The following B3GLCT variants were observed in gnomAD, a reference collection of about 807,000 sequenced individuals.
B3GLCT encodes beta-1,3-glucosyltransferase.
Under a neutral mutation model 63.4 loss-of-function variants are expected in B3GLCT, and 65 were observed. The observed-to-expected ratio is 1.03, with a 90% CI of 0.84 to 1.26. The LOEUF (loss-of-function observed/expected upper bound fraction) is 1.26. B3GLCT is among the 50% of genes most tolerant of loss of function. The pLI is 0.00. For missense variants in B3GLCT, 577 were observed against 604.8 expected (o/e 0.95, Z 0.48); for synonymous variants, 233 against 219.2 (o/e 1.06, Z -0.55).
chr13:31,325,561 T>A (rs547111227), intron 14 of B3GLCT, among the ~76,000 whole-genome samples: 5 of 152,284 alleles, frequency 3.3e-5, no homozygotes, highest in East Asian at 1.9e-4. Context: ...ATAATTTTTT[T>A]AAAAATAAGG....
chr13:31,280,272 TA>T (rs1179905620), intron 10 of B3GLCT, among the ~76,000 whole-genome samples: 1 of 152,206 alleles, frequency 6.6e-6, no homozygotes, highest in Non-Finnish European at 1.5e-5. Context: ...CATAAGAAAT[TA>T]TAAAAGTTTT....
chr13:31,284,283 T>A (rs1873208883), intron 10 of B3GLCT, among the ~76,000 whole-genome samples: 1 of 152,200 alleles, frequency 6.6e-6, no homozygotes, highest in South Asian at 2.1e-4. Flanking sequence ...GGTCTTCTCA[T>A]GCTCCACGGT....
chr13:31,262,362 C>T (rs1244625587), intron 7 of B3GLCT, among the ~76,000 whole-genome samples: 3 of 152,222 alleles, frequency 2.0e-5, no homozygotes, highest in Admixed American at 1.3e-4. Flanking sequence ...CTGGGCCTGC[C>T]GGGCAAGAAT....
rs970974260 is a variant in B3GLCT at position 31,208,628 on chromosome 13, C to CT, written c.71-6423_71-6422insT. ...TTCTGCTTCTTTAGTGGCCCCCCCC[C>CT]CCCGCTCACTGCCACCTTCATTGAG... is the stretch of plus-strand genomic sequence containing the variant. On this transcript the variant is annotated intron_variant, in intron 1 of 14. Coordinates refer to ENST00000343307, the MANE Select transcript of B3GLCT (RefSeq NM_194318.4). Among the ~76,000 whole-genome samples, 343 of 123,528 alleles carry CT rather than the reference C, an allele frequency of 2.8e-3. 2 individuals carry two copies. The highest frequency in any genetic ancestry group is 0.011 in the African/African-American group (324 of 28,960). 81.0% of individuals were successfully genotyped at this position (123,528 alleles called of 152,430 possible). A position where few individuals can be genotyped will look rare whatever the true frequency, so the allele number is the denominator to read the frequency against.
At chr13:31,250,856 G>A (rs772327061) in intron 6 of B3GLCT, among the ~76,000 whole-genome samples, 2 of 152,220 alleles carry the variant, frequency 1.3e-5, no homozygotes, top group Non-Finnish European at 2.9e-5. Flanking sequence ...CAGTGTTTGA[G>A]CTCTGATAAG....
chr13:31,308,956 G>A lies in B3GLCT; in HGVS notation c.1065-8610G>A, dbSNP rs79844545. On this transcript the variant is annotated intron_variant, in intron 12 of 14. Coordinates refer to ENST00000343307, the MANE Select transcript of B3GLCT (RefSeq NM_194318.4). ...CTTTCTTTTAATTTTATTTTAGCTA[G>A]TATAGATAACAATAATCAAGGGATT... is the stretch of plus-strand genomic sequence containing the variant. Among the ~76,000 whole-genome samples the A allele has an allele frequency of 5.5e-3, 837 of 152,258 alleles. 12 individuals are homozygous for A. The highest frequency in any genetic ancestry group is 0.019 in the African/African-American group (804 of 41,544).
intron 12 of B3GLCT, among the ~76,000 whole-genome samples, chr13:31,302,353 T>A (rs1044850878): frequency 6.6e-6 from 1 of 151,818 alleles, no homozygotes; most frequent in Non-Finnish European, 1.5e-5. Flanking sequence ...ACAGCTCCGG[T>A]CTACAGCTCC....
intron 6 of B3GLCT, among the ~76,000 whole-genome samples, chr13:31,252,433 A>C (rs1871475460): frequency 6.6e-6 from 1 of 152,220 alleles, no homozygotes; most frequent in East Asian, 1.9e-4. Context: ...CAAATTGGAT[A>C]AAGAGTTAAG....
intron 1 of B3GLCT, among the ~76,000 whole-genome samples, chr13:31,210,600 C>T (rs1426371755): frequency 1.3e-5 from 2 of 152,138 alleles, no homozygotes; most frequent in Non-Finnish European, 2.9e-5. Context: ...TCACTTTGCT[C>T]ATCTCTTTGC....
chr13:31,309,073 T>G (rs1367754640), intron 12 of B3GLCT, among the ~76,000 whole-genome samples: 2 of 152,234 alleles, frequency 1.3e-5, no homozygotes, highest in East Asian at 3.8e-4. Context: ...AACTTTTACC[T>G]TTAGTAACTC....
At chr13:31,266,171 T>C (rs1444219214) in intron 7 of B3GLCT, among the ~76,000 whole-genome samples, 2 of 151,912 alleles carry the variant, frequency 1.3e-5, no homozygotes, top group Non-Finnish European at 2.9e-5. Context: ...CTAATATTTT[T>C]GTGTTTTTAG....
chr13:31,273,373 C>T (rs568003433), intron 8 of B3GLCT, among the ~76,000 whole-genome samples: 2 of 152,216 alleles, frequency 1.3e-5, no homozygotes, highest in African/African-American at 4.8e-5. Flanking sequence ...GGATTATAGG[C>T]GTGAGCCACC....
intron 12 of B3GLCT, among the ~76,000 whole-genome samples, chr13:31,315,301 GT>G (rs1205395074): frequency 6.6e-6 from 1 of 152,182 alleles, no homozygotes; most frequent in Non-Finnish European, 1.5e-5. Flanking sequence ...TTGTAGAATA[GT>G]TTTGACCAAT....
Position 31,202,046 on chromosome 13 carries a change from C to T in B3GLCT, c.70+1892C>T, listed in dbSNP as rs147703541. Among the ~76,000 whole-genome samples the T allele has an allele frequency of 5.9e-4, 90 of 152,240 alleles. 1 individual carries two copies. In the East Asian group the frequency reaches 0.012, roughly 20 times the overall value. ...TCGATTTAGGGGAAGGGCACCGACACGTATAAAGATGTCCCCACTTACGAT... is the reference window on the plus strand; with the variant it reads ...TCGATTTAGGGGAAGGGCACCGACATGTATAAAGATGTCCCCACTTACGAT... On this transcript the variant is annotated intron_variant, in intron 1 of 14. Transcript: ENST00000343307.
At chr13:31,230,408 A>G (rs925486191) in intron 4 of B3GLCT, among the ~76,000 whole-genome samples, 3 of 152,236 alleles carry the variant, frequency 2.0e-5, no homozygotes, top group Non-Finnish European at 2.9e-5. Flanking sequence ...CAAGAGACAT[A>G]TGTGCGTGAC....
intron 12 of B3GLCT, among the ~76,000 whole-genome samples, chr13:31,299,786 T>C (rs1177988125): frequency 2.6e-5 from 4 of 152,144 alleles, no homozygotes; most frequent in African/African-American, 9.7e-5. Context: ...GGAAAGGGGC[T>C]CTTCTGATTG....
At chr13:31,238,748 C>T (rs1870782179) in intron 4 of B3GLCT, among the ~76,000 whole-genome samples, 1 of 152,124 alleles carries the variant, frequency 6.6e-6, no homozygotes, top group Non-Finnish European at 1.5e-5. Flanking sequence ...TTGAGACCAC[C>T]TTGGGCAACA....
chr13:31,210,072 C>G (rs1312735677), intron 1 of B3GLCT, among the ~76,000 whole-genome samples: 2 of 152,146 alleles, frequency 1.3e-5, no homozygotes, highest in African/African-American at 2.4e-5. Context: ...TTAGGCTGGC[C>G]TATAAATCTT....
intron 2 of B3GLCT, among the ~76,000 whole-genome samples, chr13:31,221,921 T>C (rs528237280): frequency 1.2e-4 from 18 of 152,282 alleles, no homozygotes; most frequent in African/African-American, 4.3e-4. Context: ...AAATGGCACA[T>C]TTAGCTGCTG....
Sources: gnomAD v4.1 joint callset for allele counts (sites outside exome capture counted in the v4.1 genomes callset) on GRCh38, gnomAD v4.1.1 for gene constraint, MANE v1.5 for transcripts, NCBI Gene and HGNC (gene_info 2026-07-23, HGNC 2026-07-21) for gene names.